Variants in MACROD2 observed in about 807,000 individuals in gnomAD.
MACROD2 encodes the protein ADP-ribose glycohydrolase MACROD2.
In MACROD2, 36 loss-of-function variants were observed where a neutral mutation model predicts 70.4. The observed-to-expected ratio is 0.51, with a 90% confidence interval of 0.39 to 0.68. MACROD2 has a LOEUF of 0.68. Among genes scored for constraint, MACROD2 ranks in the 30% least tolerant of loss-of-function variants. The pLI is 0.00. For missense variants in MACROD2, 496 were observed against 538.4 expected (o/e 0.92, Z 0.78); for synonymous variants, 172 against 178.8 (o/e 0.96, Z 0.30).
rs190828701 is a variant in MACROD2 at position 15,535,611 on chromosome 20, C to T, written c.645+35764C>T. Among the ~76,000 whole-genome samples, 1,091 of 152,234 alleles carry T rather than the reference C, an allele frequency of 7.2e-3. 8 individuals are homozygous for T. The highest frequency in any genetic ancestry group is 9.1e-3 in the Non-Finnish European group (616 of 68,024). ...CTCAATCTCTGCCTTGACTGTATCA[C>T]GAAGAATCCTTAAACAGAAGAGAGT... On this transcript the variant is annotated intron_variant, in intron 8 of 17. Coordinates refer to ENST00000684519, the MANE Select transcript of MACROD2 (RefSeq NM_001351661.2).
Position 14,412,333 on chromosome 20 carries a change from A to G in MACROD2, c.272-81146A>G, listed in dbSNP as rs1017988279. On this transcript the variant is annotated intron_variant, in intron 3 of 17. Coordinates refer to ENST00000684519, the MANE Select transcript of MACROD2 (RefSeq NM_001351661.2). ...CAACGCAGGCTTAGAAAACCTTTCA[A>G]TTAAAGATGTCATGTTGGCCTTAAT... 2.0e-5 allele frequency among the ~76,000 whole-genome samples: 3 copies of G among 152,160 alleles called. No homozygotes were observed. In the East Asian group the frequency reaches 5.8e-4, roughly 29 times the overall value.
chr20:15,024,298 C>A (rs1158836258), intron 5 of MACROD2, among the ~76,000 whole-genome samples: 3 of 151,918 alleles, frequency 2.0e-5, no homozygotes, highest in Admixed American at 1.3e-4. Context: ...TAGTCTCCAT[C>A]CAGATGAGCG....
At chr20:15,984,107 T>A (rs1391484689) in intron 13 of MACROD2, among the ~76,000 whole-genome samples, 1 of 134,188 alleles carries the variant, frequency 7.5e-6, no homozygotes, top group East Asian at 2.0e-4. Flanking sequence ...AAGGTAAGAT[T>A]TTATAGACTT....
intron 8 of MACROD2, among the ~76,000 whole-genome samples, chr20:15,543,409 T>A (rs907452699): frequency 6.6e-6 from 1 of 152,196 alleles, no homozygotes; most frequent in Non-Finnish European, 1.5e-5. Context: ...CTAGTTATTG[T>A]TATTTTAATG....
At chr20:14,041,148 T>C (rs936314806) in intron 2 of MACROD2, among the ~76,000 whole-genome samples, 2 of 152,202 alleles carry the variant, frequency 1.3e-5, no homozygotes, top group African/African-American at 4.8e-5. Context: ...TTGCAAATTT[T>C]TATAATGTAG....
At chr20:15,376,613 C>A (rs1402180046) in intron 6 of MACROD2, among the ~76,000 whole-genome samples, 1 of 152,158 alleles carries the variant, frequency 6.6e-6, no homozygotes, top group Non-Finnish European at 1.5e-5. Context: ...AAACACTAAA[C>A]CACTAGCATT....
At chr20:14,325,440 T>C in intron 3 of MACROD2, 1 of 1,080,756 alleles carries the variant, frequency 9.3e-7, no homozygotes, top group Non-Finnish European at 1.3e-6. Context: ...AAATGTACAG[T>C]ACATTGCTTT....
intron 3 of MACROD2, among the ~76,000 whole-genome samples, chr20:14,094,836 C>G (rs1056150701): frequency 6.6e-6 from 1 of 152,108 alleles, no homozygotes; most frequent in African/African-American, 2.4e-5. Flanking sequence ...GCTTCAATAT[C>G]CCTGCCTTGC....
At chr20:15,967,750 T>G in intron 13 of MACROD2, 120 bp downstream of exon 13, 2 of 790,156 alleles carry the variant, frequency 2.5e-6, no homozygotes, top group East Asian at 5.7e-5. Context: ...CAATAACACT[T>G]TATTAGCACT....
chr20:14,085,336 A>G (rs2054064001), intron 2 of MACROD2, among the ~76,000 whole-genome samples: 2 of 152,194 alleles, frequency 1.3e-5, no homozygotes, highest in South Asian at 2.1e-4. Context: ...TTATTTTAGA[A>G]TGGATATTTT....
intron 10 of MACROD2, among the ~76,000 whole-genome samples, chr20:15,913,786 G>T (rs956232423): frequency 6.6e-6 from 1 of 152,176 alleles, no homozygotes; most frequent in Non-Finnish European, 1.5e-5. Flanking sequence ...CACAAATGCA[G>T]TCGTAAAGTC....
chr20:14,308,643 A>G (rs2082540359), intron 3 of MACROD2, among the ~76,000 whole-genome samples: 1 of 152,158 alleles, frequency 6.6e-6, no homozygotes, highest in South Asian at 2.1e-4. Context: ...TCAATTGTGG[A>G]TTAGCTCTAG....
chr20:14,802,124 A>G (rs961324160), intron 5 of MACROD2, among the ~76,000 whole-genome samples: 3 of 152,036 alleles, frequency 2.0e-5, no homozygotes, highest in Non-Finnish European at 4.4e-5. Flanking sequence ...GCATGTGCTG[A>G]ACTGAGTGGT....
At chr20:15,678,516 T>G (rs56060614) in intron 8 of MACROD2, among the ~76,000 whole-genome samples, 1 of 151,806 alleles carries the variant, frequency 6.6e-6, no homozygotes, top group Admixed American at 6.6e-5. Flanking sequence ...CCCGCCACCA[T>G]GCCTGGCTAA....
chr20:14,306,578 T>C (rs541861172), intron 3 of MACROD2, among the ~76,000 whole-genome samples: 39 of 152,168 alleles, frequency 2.6e-4, no homozygotes, highest in Non-Finnish European at 4.9e-4. Flanking sequence ...ACACAAATTT[T>C]AACATAAGGC....
At chr20:15,957,706 G>T (rs946908394) in intron 12 of MACROD2, among the ~76,000 whole-genome samples, 1 of 152,188 alleles carries the variant, frequency 6.6e-6, no homozygotes, top group African/African-American at 2.4e-5. Context: ...TCTCCTCTGG[G>T]AAGTGTGAGG....
chr20:15,309,125 C>T (rs905094709), intron 6 of MACROD2, among the ~76,000 whole-genome samples: 1 of 152,142 alleles, frequency 6.6e-6, no homozygotes, highest in African/African-American at 2.4e-5. Context: ...CAGGAGATAA[C>T]TTGTGTGCAT....
At chr20:15,498,563 A>G (rs1271939725) in intron 7 of MACROD2, among the ~76,000 whole-genome samples, 1 of 152,234 alleles carries the variant, frequency 6.6e-6, no homozygotes, top group African/African-American at 2.4e-5. Context: ...TTGGTCAAAC[A>G]GGAAGAATAA....
At chr20:15,225,745 T>C (rs903596322) in intron 5 of MACROD2, among the ~76,000 whole-genome samples, 1 of 152,222 alleles carries the variant, frequency 6.6e-6, no homozygotes, top group Admixed American at 6.5e-5. Context: ...TGAACCATCG[T>C]TTTACTAACA....
Sources: allele counts gnomAD v4.1 joint callset (sites outside exome capture counted in the v4.1 genomes callset), GRCh38; gene constraint gnomAD v4.1.1; transcripts MANE v1.5; gene names NCBI Gene and HGNC (gene_info 2026-07-23, HGNC 2026-07-21).